GRIA2: variants seen among roughly 807,000 people sequenced by gnomAD.
GRIA2 encodes the protein glutamate receptor 2.
GRIA2 carries 14 observed loss-of-function variants against 97.3 expected under a neutral mutation model. The observed-to-expected ratio is 0.14, with a 90% CI of 0.10 to 0.23. GRIA2 has a LOEUF of 0.23. Among genes scored for constraint, GRIA2 ranks in the 10% least tolerant of loss-of-function variants. The pLI, the probability that GRIA2 is intolerant of heterozygous loss-of-function variation, is 1.00. For synonymous variants in GRIA2, 412 were observed against 387.8 expected, an observed-to-expected ratio of 1.06 and a Z score of -0.73; for missense variants, 558 against 1,069.8, an observed-to-expected ratio of 0.52 and a Z score of 6.67.
At chr4:157,338,049 TAC>T (rs1424839302) in intron 11 of GRIA2, among the ~76,000 whole-genome samples, 28 of 9,718 alleles carry the variant, frequency 2.9e-3, no homozygotes, top group Admixed American at 0.013. Flanking sequence ...TATATATATA[TAC>T]ACACACATTT....
chr4:157,347,267 A>G (rs568078851), intron 12 of GRIA2, among the ~76,000 whole-genome samples: 2 of 152,138 alleles, frequency 1.3e-5, no homozygotes, highest in Admixed American at 1.3e-4. Context: ...TCCAGGGTAC[A>G]TGTGTTATTT....
In GRIA2 at chr4:157,308,395, G is replaced by T. The variant is rs148537901; in HGVS notation, c.470-4284G>T. 1.4e-4 allele frequency among the ~76,000 whole-genome samples: 21 copies of T among 152,216 alleles called. No individual in the cohort carries two copies. The East Asian group carries it at 4.1e-3, about 29-fold the overall frequency. On this transcript the variant is annotated intron_variant, in intron 3 of 15. Transcript: ENST00000264426. ...TTTTTTATTTTAGCAAAACATCTAA[G>T]AATTCAGTAGAGTTTAGAACTTACT... is the stretch of plus-strand genomic sequence containing the variant.
At chr4:157,338,052 A>T (rs1161661491) in intron 11 of GRIA2, among the ~76,000 whole-genome samples, 1 of 4,596 alleles carries the variant, frequency 2.2e-4, no homozygotes, top group African/African-American at 2.3e-4. Context: ...ATATATATAC[A>T]CACACATTTT....
At chr4:157,362,613 A>C (rs755970790) in intron 14 of GRIA2, among the ~76,000 whole-genome samples, 186 bp from the exon 15 acceptor site, 1 of 152,110 alleles carries the variant, frequency 6.6e-6, no homozygotes, top group Non-Finnish European at 1.5e-5. Flanking sequence ...TCTTAAGCTA[A>C]ATTTTATGTT....
At chr4:157,239,422 C>A (rs976532571) in intron 2 of GRIA2, among the ~76,000 whole-genome samples, 1 of 151,874 alleles carries the variant, frequency 6.6e-6, no homozygotes, top group Non-Finnish European at 1.5e-5. Flanking sequence ...TTTAAAATTT[C>A]CACTAACAGA....
chr4:157,333,383 T>C, intron 8 of GRIA2, 30 bp downstream of exon 8: 1 of 1,200,218 alleles, frequency 8.3e-7, no homozygotes, highest in South Asian at 1.4e-5. Flanking sequence ...AAGGCAGTTC[T>C]ATGTGAGGAG....
chr4:157,235,740 AT>A (rs955786067), intron 2 of GRIA2, among the ~76,000 whole-genome samples: 1 of 151,946 alleles, frequency 6.6e-6, no homozygotes. Flanking sequence ...TTTGCATATG[AT>A]TTTTTTCTTT....
In GRIA2 at chr4:157,314,243, G is replaced by C. The variant is rs562609688; in HGVS notation, c.666+1368G>C. 3.2e-4 allele frequency among the ~76,000 whole-genome samples: 48 copies of C among 152,224 alleles called. 1 individual carries two copies. The South Asian group carries it at 1.0e-2, about 32-fold the overall frequency. On this transcript the variant is annotated intron_variant, in intron 4 of 15. Coordinates refer to ENST00000264426, the MANE Select transcript of GRIA2 (RefSeq NM_001083619.3). ...GTGTATGCATTTCTTGGCTCTTCTAGCTTTGAGGAAAAAATTTGATTCATT... is the reference window on the plus strand; with the variant it reads ...GTGTATGCATTTCTTGGCTCTTCTACCTTTGAGGAAAAAATTTGATTCATT...
At chr4:157,276,739 A>C (rs2126802458) in intron 2 of GRIA2, among the ~76,000 whole-genome samples, 1 of 152,086 alleles carries the variant, frequency 6.6e-6, no homozygotes, top group East Asian at 1.9e-4. Flanking sequence ...GAAAAAGATT[A>C]AAAATAGAGT....
At chr4:157,284,905 A>G (rs1189592088) in intron 2 of GRIA2, among the ~76,000 whole-genome samples, 1 of 151,702 alleles carries the variant, frequency 6.6e-6, no homozygotes, top group Non-Finnish European at 1.5e-5. Context: ...TCTTTTAAAT[A>G]TCTCCTTGCA....
At chr4:157,311,760 A>G (rs1336451560) in intron 3 of GRIA2, among the ~76,000 whole-genome samples, 1 of 151,978 alleles carries the variant, frequency 6.6e-6, no homozygotes, top group East Asian at 1.9e-4. Context: ...TTATTAAGTT[A>G]TCAGTATAAA....
intron 2 of GRIA2, among the ~76,000 whole-genome samples, chr4:157,225,297 C>T (rs1013614588): frequency 1.3e-5 from 2 of 151,978 alleles, no homozygotes; most frequent in Admixed American, 1.3e-4. Context: ...GGCAGTAAGA[C>T]AGATTTTCAG....
intron 2 of GRIA2, among the ~76,000 whole-genome samples, chr4:157,285,848 T>G (rs1732818476): frequency 1.3e-5 from 2 of 151,566 alleles, no homozygotes; most frequent in Non-Finnish European, 3.0e-5. Flanking sequence ...AGATCACTTA[T>G]TGTTCCAGCT....
chr4:157,322,242 AGTGT>A (rs35080512), intron 6 of GRIA2, among the ~76,000 whole-genome samples: 18,958 of 136,882 alleles, frequency 0.14, 1,327 homozygotes, highest in East Asian at 0.25. Flanking sequence ...AGAGAGAGAG[AGTGT>A]GTGTGTGTGT....
At chr4:157,342,675 A>G (rs1414999765) in intron 12 of GRIA2, among the ~76,000 whole-genome samples, 1 of 152,112 alleles carries the variant, frequency 6.6e-6, no homozygotes, top group African/African-American at 2.4e-5. Context: ...AGCATTTTTA[A>G]TATTTGTATG....
intron 2 of GRIA2, chr4:157,249,898 G>C (rs1011233370): frequency 3.9e-5 from 6 of 152,088 alleles, no homozygotes; most frequent in Admixed American, 3.9e-4. Context: ...TAATATTTAT[G>C]GTTTATGAGT....
chr4:157,323,228 C>T (rs529623501), intron 6 of GRIA2, among the ~76,000 whole-genome samples: 1 of 147,962 alleles, frequency 6.8e-6, no homozygotes, highest in East Asian at 2.0e-4. Flanking sequence ...CCAGCTACTC[C>T]GGAGGCTGAG....
At chr4:157,268,429 T>C (rs543922118) in intron 2 of GRIA2, among the ~76,000 whole-genome samples, 1 of 152,042 alleles carries the variant, frequency 6.6e-6, no homozygotes, top group African/African-American at 2.4e-5. Context: ...AATTTTGTCG[T>C]CTCAGTTTTC....
intron 6 of GRIA2, among the ~76,000 whole-genome samples, chr4:157,324,904 G>A (rs1449710346): frequency 2.0e-5 from 3 of 152,098 alleles, no homozygotes; most frequent in Non-Finnish European, 2.9e-5. Context: ...TATTTCTAAT[G>A]AGATTATTAA....
Sources: gnomAD v4.1 joint callset for allele counts (sites outside exome capture counted in the v4.1 genomes callset) on GRCh38, gnomAD v4.1.1 for gene constraint, MANE v1.5 for transcripts, NCBI Gene and HGNC (gene_info 2026-07-23, HGNC 2026-07-21) for gene names.